Variants in CAMTA1 observed in about 807,000 individuals in gnomAD.
CAMTA1 encodes the protein calmodulin binding transcription activator 1, also known as calmodulin-binding transcription activator 1.
A neutral mutation model predicts 170.9 loss-of-function variants in CAMTA1; 27 were observed. That is an observed-to-expected ratio of 0.16 (90% CI 0.12 to 0.22). The LOEUF (loss-of-function observed/expected upper bound fraction) is 0.22, where lower values mean the gene tolerates loss of function less well. Among genes scored for constraint, CAMTA1 ranks in the 10% least tolerant of loss-of-function variants. The pLI is 1.00. For missense variants in CAMTA1, 1,619 were observed against 2,217.2 expected (o/e 0.73, Z 5.42); for synonymous variants, 833 against 891.5 (o/e 0.93, Z 1.17).
chr1:7,138,238 C>T (rs561072603), intron 4 of CAMTA1, among the ~76,000 whole-genome samples: 46 of 152,154 alleles, frequency 3.0e-4, no homozygotes, highest in Non-Finnish European at 4.9e-4. Context: ...GCAATCCTCC[C>T]GCCTTGGCCT....
intron 16 of CAMTA1, among the ~76,000 whole-genome samples, chr1:7,742,148 C>T (rs1441751224): frequency 1.3e-5 from 2 of 151,022 alleles, no homozygotes; most frequent in Non-Finnish European, 3.0e-5. Context: ...TATATACATA[C>T]AGTTTATCTA....
chr1:7,049,614 A>G (rs986786326), intron 3 of CAMTA1, among the ~76,000 whole-genome samples: 6 of 151,876 alleles, frequency 4.0e-5, no homozygotes. Context: ...CCACCACCAC[A>G]CCCAGCTAAT....
At chr1:6,785,718 G>A (rs1476437390) in intron 1 of CAMTA1, 143 bp downstream of exon 1, 8 of 179,258 alleles carry the variant, frequency 4.5e-5, no homozygotes, top group Non-Finnish European at 7.0e-5. Flanking sequence ...GCCGGGGAGG[G>A]GGCCGGCGGG....
chr1:7,663,096 G>A (rs534027318), intron 8 of CAMTA1, among the ~76,000 whole-genome samples: 1 of 152,304 alleles, frequency 6.6e-6, no homozygotes, highest in East Asian at 1.9e-4. Flanking sequence ...TTTGAAAAGA[G>A]CATCAAGGCC....
At chr1:7,421,987 G>A (rs556759702) in intron 5 of CAMTA1, among the ~76,000 whole-genome samples, 36 of 152,114 alleles carry the variant, frequency 2.4e-4, no homozygotes, top group African/African-American at 8.4e-4. Context: ...GTGGAGGAGG[G>A]CATGGATCTC....
In CAMTA1 at chr1:7,184,701, CT is replaced by C. The variant is rs562698187; in HGVS notation, c.303-64789del. ...ACAGGAGACAGAAAGTTAGATTTCT[CT>C]GAGTATATCTGTTTATATGCTTTTG... On this transcript the variant is annotated intron_variant, in intron 4 of 22. Coordinates refer to ENST00000303635, the MANE Select transcript of CAMTA1 (RefSeq NM_015215.4). 3.2e-3 allele frequency among the ~76,000 whole-genome samples: 480 copies of C among 152,216 alleles called. 2 individuals are homozygous for C. Among genetic ancestry groups the C allele is most frequent in the African/African-American group, 0.011 (462 of 41,528 alleles).
At chr1:7,533,098 G>T (rs967375445) in intron 6 of CAMTA1, among the ~76,000 whole-genome samples, 1 of 152,218 alleles carries the variant, frequency 6.6e-6, no homozygotes, top group Non-Finnish European at 1.5e-5. Context: ...TTCCTCCAGC[G>T]CTGTGGTGCC....
intron 3 of CAMTA1, among the ~76,000 whole-genome samples, chr1:6,927,953 A>G (rs1683641630): frequency 6.6e-6 from 1 of 152,182 alleles, no homozygotes; most frequent in Non-Finnish European, 1.5e-5. Context: ...AGGAGAGACG[A>G]CAAGGATCCA....
intron 3 of CAMTA1, among the ~76,000 whole-genome samples, chr1:6,826,201 TA>T (rs1647087236): frequency 6.6e-6 from 1 of 152,214 alleles, no homozygotes; most frequent in Non-Finnish European, 1.5e-5. Context: ...GTTATGTGGA[TA>T]AAAGTCTCTT....
intron 6 of CAMTA1, among the ~76,000 whole-genome samples, chr1:7,515,486 A>G (rs941410355): frequency 2.6e-5 from 4 of 152,094 alleles, no homozygotes; most frequent in Admixed American, 6.5e-5. Context: ...TCACAGCCCA[A>G]TGCCCACCAC....
intron 6 of CAMTA1, among the ~76,000 whole-genome samples, chr1:7,529,842 G>A (rs894393292): frequency 1.3e-5 from 2 of 152,186 alleles, no homozygotes; most frequent in African/African-American, 4.8e-5. Context: ...GATAAATGGC[G>A]ACCATGACCA....
chr1:6,811,115 C>T (rs776252726), intron 1 of CAMTA1, among the ~76,000 whole-genome samples: 111 of 152,126 alleles, frequency 7.3e-4, no homozygotes, highest in African/African-American at 7.5e-4. Flanking sequence ...CAGTTGCCAC[C>T]GATAAATCCA....
chr1:7,378,608 G>T (rs1575008580), intron 5 of CAMTA1, among the ~76,000 whole-genome samples: 1 of 152,124 alleles, frequency 6.6e-6, no homozygotes, highest in African/African-American at 2.4e-5. Context: ...AGGGAGGAGT[G>T]GGGAGGGGCT....
Position 7,193,861 on chromosome 1 carries a change from C to T in CAMTA1, c.303-55630C>T, listed in dbSNP as rs553341445. On this transcript the variant is annotated intron_variant, in intron 4 of 22. Coordinates refer to ENST00000303635, the MANE Select transcript of CAMTA1 (RefSeq NM_015215.4). ...GATTTTACAGAAGAGGCTGACGGCC[C>T]GAAGGGGAGGCTAGCCATCAGATTT... Among the ~76,000 whole-genome samples, 94 of 152,258 alleles carry T rather than the reference C, an allele frequency of 6.2e-4. 1 individual carries two copies. Among genetic ancestry groups the T allele is most frequent in the African/African-American group, 2.1e-3 (88 of 41,550 alleles).
At chr1:7,714,274 A>G (rs1010325361) in intron 11 of CAMTA1, among the ~76,000 whole-genome samples, 3 of 152,232 alleles carry the variant, frequency 2.0e-5, no homozygotes, top group African/African-American at 7.2e-5. Context: ...CTTTTCCTTC[A>G]AGAAATTTAG....
At position 7,286,068 on chromosome 1, in the gene CAMTA1, T is replaced by C. The variant is rs1574441062; in HGVS notation, c.438+36442T>C. On this transcript the variant is annotated intron_variant, in intron 5 of 22. Transcript: ENST00000303635. This position sits in a 1 kb window ranked among gnomAD's most constrained non-coding sequence, Gnocchi z 4.2. ...GGAGCCTGCTGTGTGCCAAGCACCATGCCAGATTCTGAAGACTCAGGGACC... is the reference window on the plus strand; with the variant it reads ...GGAGCCTGCTGTGTGCCAAGCACCACGCCAGATTCTGAAGACTCAGGGACC... Among the ~76,000 whole-genome samples, 2 of 152,192 alleles carry C rather than the reference T, an allele frequency of 1.3e-5. No individual in the cohort carries two copies. The highest frequency in any genetic ancestry group is 3.8e-4 in the East Asian group (2 of 5,200).
intron 1 of CAMTA1, among the ~76,000 whole-genome samples, chr1:6,803,640 A>C (rs1644153727): frequency 6.6e-6 from 1 of 152,252 alleles, no homozygotes; most frequent in African/African-American, 2.4e-5. Context: ...GCTAAACAAA[A>C]GAGGAAAGTG....
At chr1:6,975,886 T>C (rs1314663947) in intron 3 of CAMTA1, among the ~76,000 whole-genome samples, 2 of 152,218 alleles carry the variant, frequency 1.3e-5, no homozygotes, top group Admixed American at 6.5e-5. Flanking sequence ...AGACATTTCA[T>C]GTAAACAGGA....
At chr1:7,171,651 AC>A (rs1649629793) in intron 4 of CAMTA1, among the ~76,000 whole-genome samples, 2 of 152,248 alleles carry the variant, frequency 1.3e-5, no homozygotes, top group Admixed American at 1.3e-4. Context: ...TTTAAAGTAT[AC>A]AATTCAGTGG....
Sources: allele counts gnomAD v4.1 joint callset (sites outside exome capture counted in the v4.1 genomes callset), GRCh38; gene constraint gnomAD v4.1.1; non-coding constraint Gnocchi (gnomAD v3.1); transcripts MANE v1.5; gene names NCBI Gene and HGNC (gene_info 2026-07-23, HGNC 2026-07-21).